The following MYRF variants were observed in gnomAD, a reference collection of about 807,000 sequenced individuals.
MYRF encodes myelin gene regulatory factor.
MYRF carries 16 observed loss-of-function variants against 126.3 expected under a neutral mutation model. The ratio of observed to expected loss-of-function variants is 0.13; its 90% confidence interval spans 0.09 to 0.19. The LOEUF is 0.19. Among genes scored for constraint, MYRF ranks in the 10% least tolerant of loss-of-function variants. The pLI, the probability that MYRF is intolerant of heterozygous loss-of-function variation, is 1.00. For missense variants in MYRF, 1,104 were observed against 1,547.0 expected, an observed-to-expected ratio of 0.71 and a Z score of 4.80; for synonymous variants, 608 against 635.3, an observed-to-expected ratio of 0.96 and a Z score of 0.65.
chr11:61,763,151 C>T (rs1404051114), intron 1 of MYRF, among the ~76,000 whole-genome samples: 19 of 152,124 alleles, frequency 1.2e-4, no homozygotes, highest in Admixed American at 7.2e-4. Flanking sequence ...GTGGGGGCGA[C>T]GCTCCAGGTG....
At chr11:61,756,549 A>G (rs1302442497) in intron 1 of MYRF, among the ~76,000 whole-genome samples, 1 of 151,574 alleles carries the variant, frequency 6.6e-6, no homozygotes, top group Non-Finnish European at 1.5e-5. Flanking sequence ...TCCTGAGCCC[A>G]GGCAGGGGAG....
In MYRF at chr11:61,776,010, G is replaced by A; in HGVS notation, c.1312-46G>A. 1 of 1,594,814 alleles carries A rather than the reference G, an allele frequency of 6.3e-7. No homozygotes were observed. The highest frequency in any genetic ancestry group is 1.1e-5 in the South Asian group (1 of 90,646). ...GAGAGGGGGCAGGAGGGCAGGACCAGCCGGGTAGCCCCATCCTGAGGTGCC... is the reference window on the plus strand; with the variant it reads ...GAGAGGGGGCAGGAGGGCAGGACCAACCGGGTAGCCCCATCCTGAGGTGCC... On this transcript the variant is annotated intron_variant, in intron 8 of 26. Coordinates refer to ENST00000278836, the MANE Select transcript of MYRF (RefSeq NM_001127392.3). This position sits in a 1 kb window ranked among gnomAD's most constrained non-coding sequence, Gnocchi z 4.3.
intron 8 of MYRF, among the ~76,000 whole-genome samples, chr11:61,775,120 G>A (rs2066340010): frequency 6.6e-6 from 1 of 152,146 alleles, no homozygotes. Flanking sequence ...CCCCTGGTCT[G>A]GGTTACCTCC....
At chr11:61,755,446 A>T in intron 1 of MYRF, 1 of 1,610,152 alleles carries the variant, frequency 6.2e-7, no homozygotes, top group Non-Finnish European at 8.5e-7. Context: ...CCAGCAGGTA[A>T]CCGGGCCATG....
Position 61,777,330 on chromosome 11 carries a change from A to G in MYRF, c.1657A>G (p.Thr553Ala). Residue 553 changes from threonine (T) to alanine (A), a missense_variant, in exon 12 of 27, where the codon ACC becomes GCC. By Grantham distance (58) the Thr-to-Ala change is moderately conservative. Coordinates refer to ENST00000278836, the MANE Select transcript of MYRF (RefSeq NM_001127392.3). The surrounding 1 kb of genome is among the most constrained non-coding windows in gnomAD (Gnocchi z 8.8). ...GTGGCAGCGGGCACAGGTGCCCGAC[A>G]CCGTCTTCCACCACGGCCGCGTGGG... is the stretch of plus-strand genomic sequence containing the variant. ...VLWQRAQVPD[T>A]VFHHGRVGIN... 4 of 1,613,476 alleles carry G rather than the reference A, an allele frequency of 2.5e-6. No individual in the cohort carries two copies. The South Asian group carries it at 3.3e-5, about 13-fold the overall frequency.
intron 14 of MYRF, 83 bp from the exon 15 acceptor site, chr11:61,779,180 C>T: frequency 1.4e-6 from 2 of 1,433,666 alleles, no homozygotes; most frequent in Admixed American, 4.5e-5. Context: ...CTCCTGCCCC[C>T]TGATGTCTGG....
chr11:61,752,869 T>C (rs1476590135), intron 1 of MYRF, 79 bp downstream of exon 1: 1 of 1,324,038 alleles, frequency 7.6e-7, no homozygotes, highest in Non-Finnish European at 1.0e-6. Context: ...CTGGGGCTCC[T>C]CGCTGTGTTT....
At chr11:61,752,977 G>C (rs1224982361) in intron 1 of MYRF, among the ~76,000 whole-genome samples, 187 bp downstream of exon 1, 1 of 152,034 alleles carries the variant, frequency 6.6e-6, no homozygotes, top group African/African-American at 2.4e-5. Flanking sequence ...ACCCACCGCC[G>C]CTGAAGTTGG....
chr11:61,760,326 T>C (rs1029701844), intron 1 of MYRF, among the ~76,000 whole-genome samples: 2 of 152,130 alleles, frequency 1.3e-5, no homozygotes, highest in African/African-American at 4.8e-5. Context: ...CACTGTGCCT[T>C]GCCCCCATGT....
At chr11:61,781,954 A>G in intron 22 of MYRF, 130 bp downstream of exon 22, 2 of 1,186,504 alleles carry the variant, frequency 1.7e-6, no homozygotes, top group African/African-American at 3.1e-5. Flanking sequence ...TGAGCACAGA[A>G]TAAGGATCAG....
intron 5 of MYRF, 90 bp downstream of exon 5, chr11:61,770,615 T>C: frequency 1.1e-5 from 15 of 1,307,882 alleles, no homozygotes; most frequent in Non-Finnish European, 1.5e-5. Flanking sequence ...GAGAGGGAGG[T>C]AGGGACCGGG....
intron 3 of MYRF, among the ~76,000 whole-genome samples, chr11:61,767,676 T>TA (rs1215815965): frequency 6.6e-6 from 1 of 151,692 alleles, no homozygotes; most frequent in Non-Finnish European, 1.5e-5. Flanking sequence ...ATACAAAAAT[T>TA]AGCTGGGTGT....
At chr11:61,784,906 G>C (rs547466296) in intron 25 of MYRF, 1 of 153,900 alleles carries the variant, frequency 6.5e-6, no homozygotes, top group South Asian at 2.0e-4. Flanking sequence ...TGGACCCCCA[G>C]TTTCTTCTTG....
intron 1 of MYRF, chr11:61,755,421 A>C (rs2065723456): frequency 6.2e-7 from 1 of 1,610,020 alleles, no homozygotes; most frequent in Admixed American, 1.7e-5. Context: ...CCCACCGGGC[A>C]GGATGCACTG....
At chr11:61,770,602 C>T in intron 5 of MYRF, 77 bp downstream of exon 5, 1 of 1,411,076 alleles carries the variant, frequency 7.1e-7, no homozygotes, top group South Asian at 1.4e-5. Context: ...GGCGGGCAGG[C>T]CAGAGAGGGA....
At chr11:61,774,759 G>C (rs1268540584) in intron 8 of MYRF, among the ~76,000 whole-genome samples, 1 of 150,388 alleles carries the variant, frequency 6.6e-6, no homozygotes, top group African/African-American at 2.5e-5. Flanking sequence ...TCCTCAGCCT[G>C]CTTCCCTCTC....
At chr11:61,755,170 C>G (rs928022375) in intron 1 of MYRF, among the ~76,000 whole-genome samples, 2 of 152,168 alleles carry the variant, frequency 1.3e-5, no homozygotes, top group Non-Finnish European at 2.9e-5. Context: ...GGCTGCAGCA[C>G]AGCGCGCCCC....
rs1303367230 is a variant in MYRF at position 61,776,686 on chromosome 11, C to T, written c.1500-101C>T. 1 of 996,964 alleles carries T rather than the reference C, an allele frequency of 1.0e-6. No individual in the cohort carries two copies. The highest frequency in any genetic ancestry group is 2.6e-5 in the Admixed American group (1 of 37,880). The allele number at this position is 996,964 out of a possible 1,614,324, so 61.8% of individuals were successfully genotyped here. ...CCTGGTGGAGGCTCGGGTTCCTCCT[C>T]TGTAGGAGGGGGTGAGATGAACATG... is the stretch of plus-strand genomic sequence containing the variant. On this transcript the variant is annotated intron_variant, in intron 10 of 26. Coordinates refer to ENST00000278836, the MANE Select transcript of MYRF (RefSeq NM_001127392.3). The surrounding 1 kb of genome is among the most constrained non-coding windows in gnomAD (Gnocchi z 4.3).
At chr11:61,771,477 G>T (rs369330716) in intron 5 of MYRF, 23 bp from the exon 6 acceptor site, 158 of 1,598,898 alleles carry the variant, frequency 9.9e-5, no homozygotes, top group South Asian at 2.5e-4. Context: ...CAGCCCCCAC[G>T]GCGCACACTT....
Sources: allele counts gnomAD v4.1 joint callset (sites outside exome capture counted in the v4.1 genomes callset), GRCh38; gene constraint gnomAD v4.1.1; non-coding constraint Gnocchi (gnomAD v3.1); transcripts MANE v1.5; gene names NCBI Gene and HGNC (gene_info 2026-07-23, HGNC 2026-07-21).